The following SCGN variants were observed in gnomAD, a reference collection of about 807,000 sequenced individuals.
SCGN encodes the protein secretagogin, EF-hand calcium binding protein, also known as secretagogin.
Under a neutral mutation model 39.7 loss-of-function variants are expected in SCGN, and 30 were observed. The observed-to-expected ratio is 0.76, with a 90% CI of 0.57 to 1.03. The LOEUF is 1.03. SCGN is among the 50% of genes least tolerant of loss of function. SCGN has a pLI of 0.00. For missense variants in SCGN, 353 were observed against 349.4 expected (o/e 1.01, Z -0.08); for synonymous variants, 106 against 114.1 (o/e 0.93, Z 0.45).
intron 2 of SCGN, among the ~76,000 whole-genome samples, chr6:25,654,200 G>A (rs999749535): frequency 6.6e-6 from 1 of 152,224 alleles, no homozygotes; most frequent in Non-Finnish European, 1.5e-5. Context: ...GAATGATGGA[G>A]ATAGTTTGTC....
At chr6:25,692,086 G>T (rs1404027524) in intron 10 of SCGN, among the ~76,000 whole-genome samples, 2 of 152,150 alleles carry the variant, frequency 1.3e-5, no homozygotes, top group African/African-American at 2.4e-5. Context: ...TGGGTCCCTT[G>T]TCTCCTCTTT....
At chr6:25,667,400 T>A (rs1760440969) in intron 4 of SCGN, among the ~76,000 whole-genome samples, 1 of 152,198 alleles carries the variant, frequency 6.6e-6, no homozygotes, top group Non-Finnish European at 1.5e-5. Flanking sequence ...AAATTAACTG[T>A]CTTATATCCC....
intron 4 of SCGN, among the ~76,000 whole-genome samples, chr6:25,668,885 G>C (rs1476494257): frequency 6.6e-6 from 1 of 152,198 alleles, no homozygotes; most frequent in Non-Finnish European, 1.5e-5. Flanking sequence ...GCCGAGGCGG[G>C]CGGATCACAA....
At chr6:25,683,949 A>G (rs1300459860) in intron 7 of SCGN, among the ~76,000 whole-genome samples, 1 of 152,254 alleles carries the variant, frequency 6.6e-6, no homozygotes, top group East Asian at 1.9e-4. Context: ...CAGGGTTTTT[A>G]CAGTCACGAT....
intron 4 of SCGN, among the ~76,000 whole-genome samples, chr6:25,669,085 T>G (rs1283282020): frequency 1.4e-5 from 2 of 139,866 alleles, no homozygotes; most frequent in African/African-American, 5.5e-5. Context: ...CAGTCCAGCC[T>G]GGGCGACAGA....
intron 6 of SCGN, among the ~76,000 whole-genome samples, chr6:25,676,566 A>G (rs1382298313): frequency 6.6e-6 from 1 of 152,092 alleles, no homozygotes; most frequent in Non-Finnish European, 1.5e-5. Flanking sequence ...TATGCATTTG[A>G]TTTACTTCCA....
intron 10 of SCGN, among the ~76,000 whole-genome samples, chr6:25,693,257 C>T (rs1409832855): frequency 2.0e-5 from 3 of 151,874 alleles, no homozygotes; most frequent in African/African-American, 7.3e-5. Context: ...CGAGACCATC[C>T]TGGCTAACGC....
intron 10 of SCGN, among the ~76,000 whole-genome samples, chr6:25,695,625 G>T (rs1759828185): frequency 6.6e-6 from 1 of 152,150 alleles, no homozygotes; most frequent in Non-Finnish European, 1.5e-5. Context: ...CGCCTCCTGG[G>T]TTCATGTGAT....
At chr6:25,693,067 G>A (rs1759791994) in intron 10 of SCGN, among the ~76,000 whole-genome samples, 1 of 152,110 alleles carries the variant, frequency 6.6e-6, no homozygotes, top group African/African-American at 2.4e-5. Flanking sequence ...TTACTTCCCA[G>A]GGTTTTGTGC....
At chr6:25,657,116 T>C (rs1249668592) in intron 2 of SCGN, among the ~76,000 whole-genome samples, 1 of 152,186 alleles carries the variant, frequency 6.6e-6, no homozygotes, top group African/African-American at 2.4e-5. Flanking sequence ...GTGCTGAAAC[T>C]AGACAGGTTA....
At chr6:25,701,083 T>C (rs1759905676) in intron 10 of SCGN, 124 bp from the exon 11 acceptor site, 2 of 1,037,752 alleles carry the variant, frequency 1.9e-6, no homozygotes, top group Admixed American at 6.3e-5. Flanking sequence ...ACTCATTCCC[T>C]CACTCCCTGT....
chr6:25,657,967 T>C (rs1314409096), intron 2 of SCGN, among the ~76,000 whole-genome samples: 1 of 144,642 alleles, frequency 6.9e-6, no homozygotes, highest in Non-Finnish European at 1.5e-5. Context: ...TTTTTTCACA[T>C]TTTTAGTCTG....
At chr6:25,669,963 A>G (rs749044068) in intron 5 of SCGN, 36 bp from the exon 6 acceptor site, 2 of 1,533,474 alleles carry the variant, frequency 1.3e-6, no homozygotes, top group Non-Finnish European at 1.8e-6. Flanking sequence ...TTATTTGCTC[A>G]CTATATAAAG....
At chr6:25,689,363 T>G in intron 8 of SCGN, 110 bp from the exon 9 acceptor site, 1 of 1,187,916 alleles carries the variant, frequency 8.4e-7, no homozygotes, top group South Asian at 1.3e-5. Flanking sequence ...AATCAAGGGA[T>G]CTTAAAGGTC....
intron 9 of SCGN, among the ~76,000 whole-genome samples, chr6:25,690,254 T>G (rs1387230495): frequency 1.3e-5 from 2 of 152,212 alleles, no homozygotes; most frequent in Non-Finnish European, 2.9e-5. Context: ...TTAGCCTCCC[T>G]GTGCTTTGTT....
rs9467566 is a variant in SCGN at position 25,691,688 on chromosome 6, A to T, written c.702+564A>T. ...CTTCTTCGAGGTCCTGTTGAACTGT[A>T]TTGACCAGCTACATGATCCAGTTAA... On this transcript the variant is annotated intron_variant, in intron 10 of 10. Coordinates refer to ENST00000377961, the MANE Select transcript of SCGN (RefSeq NM_006998.4). Among the ~76,000 whole-genome samples, 354 of 152,280 alleles carry T rather than the reference A, an allele frequency of 2.3e-3. 2 individuals are homozygous for T. The highest frequency in any genetic ancestry group is 7.8e-3 in the African/African-American group (324 of 41,546).
At chr6:25,680,054 AT>A (rs1027038990) in intron 6 of SCGN, among the ~76,000 whole-genome samples, 7 of 152,036 alleles carry the variant, frequency 4.6e-5, no homozygotes, top group African/African-American at 1.7e-4. Context: ...ACAAACGCAG[AT>A]TTTTTTTACA....
chr6:25,673,640 C>T (rs778056542), intron 6 of SCGN, among the ~76,000 whole-genome samples: 2 of 152,156 alleles, frequency 1.3e-5, no homozygotes, highest in Non-Finnish European at 1.5e-5. Context: ...TCCTGTTATT[C>T]TATGTCTGTT....
At chr6:25,677,008 CCTGT>C (rs760071740) in intron 6 of SCGN, among the ~76,000 whole-genome samples, 2 of 152,028 alleles carry the variant, frequency 1.3e-5, no homozygotes, top group African/African-American at 4.8e-5. Flanking sequence ...ATTCTCTCTC[CCTGT>C]CTATCTTCTC....
Sources: gnomAD v4.1 joint callset for allele counts (sites outside exome capture counted in the v4.1 genomes callset) on GRCh38, gnomAD v4.1.1 for gene constraint, MANE v1.5 for transcripts, NCBI Gene and HGNC (gene_info 2026-07-23, HGNC 2026-07-21) for gene names.